Variants in TMCC1 observed in about 807,000 individuals in gnomAD.
TMCC1 encodes the protein transmembrane and coiled-coil domain family 1, also known as transmembrane and coiled-coil domains protein 1.
TMCC1 carries 15 observed loss-of-function variants against 52.4 expected under a neutral mutation model. The ratio of observed to expected loss-of-function variants is 0.29; its 90% confidence interval spans 0.19 to 0.44. The LOEUF is 0.44. Among genes scored for constraint, TMCC1 ranks in the 20% least tolerant of loss-of-function variants. The pLI is 1.00. For synonymous variants in TMCC1, 279 were observed against 301.9 expected, an observed-to-expected ratio of 0.92 and a Z score of 0.79; for missense variants, 503 against 806.0, an observed-to-expected ratio of 0.62 and a Z score of 4.55.
chr3:129,891,465 C>A (rs1292704838), intron 1 of TMCC1, among the ~76,000 whole-genome samples: 3 of 152,138 alleles, frequency 2.0e-5, no homozygotes, highest in Non-Finnish European at 2.9e-5. Flanking sequence ...TATTTGTTCA[C>A]GTACTGTCTG....
chr3:129,866,240 A>C (rs1314798020), intron 2 of TMCC1, among the ~76,000 whole-genome samples: 1 of 146,554 alleles, frequency 6.8e-6, no homozygotes, highest in African/African-American at 2.5e-5. Flanking sequence ...ATATACATAC[A>C]TACATATATA....
intron 4 of TMCC1, among the ~76,000 whole-genome samples, chr3:129,810,136 G>T (rs1156993960): frequency 6.6e-6 from 1 of 152,096 alleles, no homozygotes; most frequent in African/African-American, 2.4e-5. Context: ...GTGGGTGGAT[G>T]GCTTGAGCTC....
intron 4 of TMCC1, among the ~76,000 whole-genome samples, chr3:129,701,122 C>G (rs1343078086): frequency 2.0e-5 from 3 of 152,180 alleles, no homozygotes; most frequent in African/African-American, 7.2e-5. Context: ...GACTGGCTTT[C>G]TTGATGCTGA....
intron 4 of TMCC1, among the ~76,000 whole-genome samples, chr3:129,793,172 C>T (rs1000305942): frequency 1.3e-5 from 2 of 151,998 alleles, no homozygotes; most frequent in Admixed American, 1.3e-4. Context: ...TTCAAACACA[C>T]ACACACACAC....
chr3:129,802,403 T>C (rs113203628), intron 4 of TMCC1, among the ~76,000 whole-genome samples: 13 of 152,304 alleles, frequency 8.5e-5, no homozygotes, highest in African/African-American at 2.2e-4. Context: ...CTAGGAAACA[T>C]AGGCCTTCTT....
chr3:129,840,703 C>G (rs2059385928), intron 2 of TMCC1, among the ~76,000 whole-genome samples: 1 of 152,160 alleles, frequency 6.6e-6, no homozygotes, highest in African/African-American at 2.4e-5. Context: ...TGACAGTTCC[C>G]CACCCCACTC....
intron 4 of TMCC1, among the ~76,000 whole-genome samples, chr3:129,686,733 G>C (rs551195695): frequency 6.6e-5 from 10 of 152,282 alleles, no homozygotes; most frequent in African/African-American, 2.4e-4. Flanking sequence ...TAGTGTAAGG[G>C]AGGAAAATCT....
chr3:129,705,378 G>A (rs760568313), intron 4 of TMCC1, among the ~76,000 whole-genome samples: 1 of 152,104 alleles, frequency 6.6e-6, no homozygotes, highest in Non-Finnish European at 1.5e-5. Context: ...AACCAGTAGG[G>A]GTCTGGGGGT....
At chr3:129,702,969 T>C (rs946016602) in intron 4 of TMCC1, among the ~76,000 whole-genome samples, 17 of 152,248 alleles carry the variant, frequency 1.1e-4, no homozygotes, top group African/African-American at 3.4e-4. Context: ...TGGGCCGAGA[T>C]TGCATCGCTG....
intron 4 of TMCC1, among the ~76,000 whole-genome samples, chr3:129,794,750 AG>A (rs1420104998): frequency 1.3e-5 from 2 of 151,946 alleles, no homozygotes; most frequent in African/African-American, 4.8e-5. Flanking sequence ...TCTCTGTGGG[AG>A]GAGGAGTGGT....
intron 3 of TMCC1, among the ~76,000 whole-genome samples, chr3:129,829,644 A>G (rs779179641): frequency 3.3e-5 from 5 of 152,022 alleles, no homozygotes; most frequent in Non-Finnish European, 7.4e-5. Flanking sequence ...ATTTTTGTTT[A>G]AAGGACTTTA....
At chr3:129,726,605 A>T (rs978267046) in intron 4 of TMCC1, among the ~76,000 whole-genome samples, 1 of 152,000 alleles carries the variant, frequency 6.6e-6, no homozygotes, top group African/African-American at 2.4e-5. Context: ...AAGGCCGGGC[A>T]TGATGGCTCA....
At chr3:129,775,504 A>G (rs1190433865) in intron 4 of TMCC1, among the ~76,000 whole-genome samples, 1 of 152,152 alleles carries the variant, frequency 6.6e-6, no homozygotes, top group Non-Finnish European at 1.5e-5. Flanking sequence ...AATAGCCAGG[A>G]TTCTGTCTTA....
chr3:129,878,421 T>C (rs937816024), intron 2 of TMCC1, among the ~76,000 whole-genome samples: 2 of 152,190 alleles, frequency 1.3e-5, no homozygotes, highest in African/African-American at 2.4e-5. Flanking sequence ...CTTAACTCTT[T>C]CCTTTCTTTC....
intron 2 of TMCC1, among the ~76,000 whole-genome samples, chr3:129,843,595 C>A (rs576047348): frequency 6.6e-6 from 1 of 151,874 alleles, no homozygotes; most frequent in African/African-American, 2.4e-5. Context: ...AAAGATATTA[C>A]GAACACCTCT....
intron 2 of TMCC1, among the ~76,000 whole-genome samples, chr3:129,836,361 T>C (rs147670670): frequency 8.0e-4 from 121 of 152,182 alleles, no homozygotes; most frequent in African/African-American, 2.8e-3. Flanking sequence ...TGGACCTAAA[T>C]AAGACATTAA....
intron 4 of TMCC1, among the ~76,000 whole-genome samples, chr3:129,793,891 A>G (rs2717240): frequency 0.98 from 150,009 of 152,316 alleles, 73,915 homozygotes; most frequent in East Asian, 1. Flanking sequence ...CTTGCTCATT[A>G]AACTATTTTG....
intron 1 of TMCC1, among the ~76,000 whole-genome samples, chr3:129,888,269 C>T (rs1000102338): frequency 3.3e-5 from 5 of 152,130 alleles, no homozygotes; most frequent in East Asian, 1.9e-4. Context: ...GGAGACATCA[C>T]GAAGTCATGT....
chr3:129,726,921 T>C (rs1426476767), intron 4 of TMCC1, among the ~76,000 whole-genome samples: 1 of 116,688 alleles, frequency 8.6e-6, no homozygotes, highest in Admixed American at 9.1e-5. Flanking sequence ...AAACCAAACA[T>C]CTTATTCTGT....
Sources: allele counts gnomAD v4.1 joint callset (sites outside exome capture counted in the v4.1 genomes callset), GRCh38; gene constraint gnomAD v4.1.1; transcripts MANE v1.5; gene names NCBI Gene and HGNC (gene_info 2026-07-23, HGNC 2026-07-21).